BTD: variants seen among roughly 807,000 people sequenced by gnomAD.
The protein encoded by BTD is biocytinase.
Under a neutral mutation model 17.7 loss-of-function variants are expected in BTD, and 13 were observed. The observed-to-expected ratio is 0.74, with a 90% confidence interval of 0.48 to 1.17. The LOEUF (loss-of-function observed/expected upper bound fraction) is 1.17, where lower values mean the gene tolerates loss of function less well. Ranked by LOEUF, BTD falls within the 50% of genes most tolerant of loss-of-function variation. BTD has a pLI of 0.00. For missense variants in BTD, 674 were observed against 650.4 expected (o/e 1.04, Z -0.39); for synonymous variants, 240 against 245.2 (o/e 0.98, Z 0.20).
chr3:15,605,596 T>C (rs932918615), intron 1 of BTD, among the ~76,000 whole-genome samples: 5 of 152,228 alleles, frequency 3.3e-5, no homozygotes, highest in African/African-American at 4.8e-5. Context: ...AAATGACATT[T>C]ATTGAGATAT....
At chr3:15,670,401 T>G in intron 3 of BTD, 1 of 1,613,958 alleles carries the variant, frequency 6.2e-7, no homozygotes, top group South Asian at 1.1e-5. Flanking sequence ...GCTTCAAAGC[T>G]GACTGTTTTT....
intron 1 of BTD, among the ~76,000 whole-genome samples, chr3:15,607,891 T>C (rs141036647): frequency 1.3e-5 from 2 of 152,188 alleles, no homozygotes; most frequent in African/African-American, 4.8e-5. Context: ...AGTAAAATAA[T>C]GTAATGAAAA....
At chr3:15,706,495 G>A (rs1350601515) in intron 3 of BTD, among the ~76,000 whole-genome samples, 5 of 152,140 alleles carry the variant, frequency 3.3e-5, no homozygotes, top group Non-Finnish European at 7.3e-5. Context: ...ATCATTGATG[G>A]ACATTTGGGG....
At chr3:15,658,110 T>A (rs1575039982), downstream of BTD, among the ~76,000 whole-genome samples, 1 of 150,518 alleles carries the variant, frequency 6.6e-6, no homozygotes, top group Non-Finnish European at 1.5e-5. Context: ...GGAGGTTGCA[T>A]TGAGCCAAGA....
downstream of BTD, chr3:15,713,592 T>C (rs953097729): frequency 1.4e-5 from 22 of 1,611,176 alleles, no homozygotes; most frequent in Non-Finnish European, 1.9e-5. Flanking sequence ...ACCGTGCTGC[T>C]ATGTGCAAAG....
intron 3 of BTD, chr3:15,678,404 T>C (rs753830845): frequency 6.6e-7 from 1 of 1,520,482 alleles, no homozygotes; most frequent in South Asian, 1.2e-5. Context: ...ATGTTATATA[T>C]GCTGGAAAAA....
chr3:15,609,934 T>C (rs963641103), intron 1 of BTD, among the ~76,000 whole-genome samples: 7 of 152,098 alleles, frequency 4.6e-5, no homozygotes, highest in Admixed American at 3.3e-4. Flanking sequence ...GAAAACTTTT[T>C]GTAACCTGAG....
intron 1 of BTD, among the ~76,000 whole-genome samples, chr3:15,603,958 A>G (rs1236409377): frequency 2.0e-5 from 3 of 152,096 alleles, no homozygotes; most frequent in African/African-American, 7.2e-5. Context: ...ACAGGCTACA[A>G]CCCCCTCTCC....
Position 15,700,565 on chromosome 3 carries a change from A to G in BTD, c.400-9495A>G, listed in dbSNP as rs567314771. ...CTGAGGCGGGCAGATCATGAGGCCAAGAGATCAAGACCATCCTGGCCAACA... is the reference window on the plus strand; with the variant it reads ...CTGAGGCGGGCAGATCATGAGGCCAGGAGATCAAGACCATCCTGGCCAACA... On this transcript the variant is annotated intron_variant, in intron 3 of 3. Transcript: ENST00000672141. Among the ~76,000 whole-genome samples the G allele has an allele frequency of 5.9e-5, 9 of 152,146 alleles. No homozygotes were observed. In the East Asian group the frequency reaches 1.7e-3, roughly 29 times the overall value.
chr3:15,677,406 T>C (rs2067056152), intron 3 of BTD: 1 of 1,100,270 alleles, frequency 9.1e-7, no homozygotes, highest in South Asian at 1.3e-5. Context: ...TTGTTCATTT[T>C]AGTGAAGTCA....
intron 3 of BTD, chr3:15,679,439 A>G (rs1274809018): frequency 1.2e-6 from 2 of 1,613,520 alleles, no homozygotes; most frequent in South Asian, 2.2e-5. Flanking sequence ...TTCTTAAAAC[A>G]CTCAAACCAA....
At chr3:15,672,371 G>A (rs2066465332) in intron 3 of BTD, among the ~76,000 whole-genome samples, 1 of 152,006 alleles carries the variant, frequency 6.6e-6, no homozygotes, top group South Asian at 2.1e-4. Context: ...CAAACTGCTG[G>A]CTTTAAGTGA....
At chr3:15,702,232 T>C (rs914472083) in intron 3 of BTD, among the ~76,000 whole-genome samples, 1 of 152,210 alleles carries the variant, frequency 6.6e-6, no homozygotes, top group Admixed American at 6.5e-5. Flanking sequence ...CATTGTTCTA[T>C]GTTCCCACAA....
rs533170650 is a variant in BTD at position 15,645,242 on chromosome 3, G to A, written c.1326G>A (p.Arg442=). 3 of 1,614,198 alleles carry A rather than the reference G, an allele frequency of 1.9e-6. No homozygotes were observed. The highest frequency in any genetic ancestry group is 1.3e-5 in the African/African-American group (1 of 75,052). The stretch of plus-strand genomic sequence containing the variant: ...ACATCCAAGTGTGTGCCCTGGTCAG[G>A]TGTGGGGGTCTTGGCTTCGACACCT... ...TYYIQVCALV[R]CGGLGFDTCG... The change falls in exon 4 of 4, where the codon AGG becomes AGA. Residue 442 remains arginine (R), a synonymous_variant. Coordinates refer to ENST00000643237, the MANE Select transcript of BTD (RefSeq NM_001370658.1).
intron 3 of BTD, among the ~76,000 whole-genome samples, chr3:15,672,714 A>G (rs535049276): frequency 1.3e-5 from 2 of 152,286 alleles, no homozygotes; most frequent in South Asian, 2.1e-4. Flanking sequence ...GAGTGGGGAA[A>G]GAAGCTTGTT....
rs1169420498 is a variant in BTD, at chr3:15,635,212, T to G, written c.-16-212T>G. Among the ~76,000 whole-genome samples the G allele has an allele frequency of 6.6e-6, 1 of 152,246 alleles. No individual in the cohort carries two copies. Among genetic ancestry groups the G allele is most frequent in the African/African-American group, 2.4e-5 (1 of 41,460 alleles). ...TTTTGGAAATGTTCTAAAACCAGAC[T>G]ATTAACACAGTGAGCCATTTTAAAT... On this transcript the variant is annotated intron_variant, in intron 1 of 3. Coordinates refer to ENST00000643237, the MANE Select transcript of BTD (RefSeq NM_001370658.1). The surrounding 1 kb of genome is among the most constrained non-coding windows in gnomAD (Gnocchi z 4.1).
intron 1 of BTD, among the ~76,000 whole-genome samples, chr3:15,627,604 GTGT>G (rs2065097438): frequency 6.6e-6 from 1 of 152,218 alleles, no homozygotes; most frequent in Non-Finnish European, 1.5e-5. Flanking sequence ...GGCCTTTGAT[GTGT>G]TATTTCCAGC....
chr3:15,719,073 A>T (rs2073403826), intron 4 of BTD, among the ~76,000 whole-genome samples: 1 of 152,194 alleles, frequency 6.6e-6, no homozygotes, highest in African/African-American at 2.4e-5. Context: ...TTTGACCGAG[A>T]CCTAAAAACT....
intron 1 of BTD, among the ~76,000 whole-genome samples, chr3:15,610,133 C>T (rs765170564): frequency 6.7e-4 from 102 of 152,142 alleles, no homozygotes; most frequent in Non-Finnish European, 1.3e-4. Context: ...AACATATATT[C>T]CTATGAGGCT....
Sources: gnomAD v4.1 joint callset for allele counts (sites outside exome capture counted in the v4.1 genomes callset) on GRCh38, gnomAD v4.1.1 for gene constraint, Gnocchi (gnomAD v3.1) non-coding constraint, MANE v1.5 for transcripts, NCBI Gene and HGNC (gene_info 2026-07-23, HGNC 2026-07-21) for gene names.